Variants in ROBO2 observed in about 807,000 individuals in gnomAD.
ROBO2 encodes roundabout homolog 2.
ROBO2 carries 53 observed loss-of-function variants against 160.8 expected under a neutral mutation model. The observed-to-expected ratio is 0.33, with a 90% CI of 0.26 to 0.41. The LOEUF (loss-of-function observed/expected upper bound fraction) is 0.41. Ranked by LOEUF, ROBO2 falls within the 10% of genes least tolerant of loss-of-function variation. The pLI, the probability that ROBO2 is intolerant of heterozygous loss-of-function variation, is 1.00. For missense variants in ROBO2, 1,577 were observed against 1,722.4 expected (o/e 0.92, Z 1.49); for synonymous variants, 664 against 611.7 (o/e 1.09, Z -1.26).
At chr3:76,398,598 G>C (rs1008472584) in intron 2 of ROBO2, among the ~76,000 whole-genome samples, 2 of 151,548 alleles carry the variant, frequency 1.3e-5, no homozygotes, top group African/African-American at 4.8e-5. Context: ...TTCACACACT[G>C]TTGCACCTCT....
At chr3:76,592,761 G>T (rs1156617695) in intron 2 of ROBO2, among the ~76,000 whole-genome samples, 2 of 152,082 alleles carry the variant, frequency 1.3e-5, no homozygotes, top group Non-Finnish European at 2.9e-5. Context: ...AACCATCAGA[G>T]ATTTATTCTG....
intron 2 of ROBO2, among the ~76,000 whole-genome samples, chr3:76,525,366 C>T (rs979959936): frequency 6.6e-6 from 1 of 151,772 alleles, no homozygotes; most frequent in Non-Finnish European, 1.5e-5. Flanking sequence ...TTATAAAACA[C>T]ATTTTAAAAT....
chr3:77,434,558 T>A (rs1370439252), intron 2 of ROBO2, among the ~76,000 whole-genome samples: 3 of 152,114 alleles, frequency 2.0e-5, no homozygotes, highest in Admixed American at 1.3e-4. Context: ...TTTATTGTTG[T>A]CACCATTTAT....
At chr3:77,573,848 C>T (rs538656271) in intron 13 of ROBO2, among the ~76,000 whole-genome samples, 1 of 147,996 alleles carries the variant, frequency 6.8e-6, no homozygotes, top group South Asian at 2.2e-4. Flanking sequence ...TTTGTTTATG[C>T]TTTTTTTTTT....
chr3:77,022,710 G>A (rs1458856968), intron 2 of ROBO2, among the ~76,000 whole-genome samples: 1 of 152,140 alleles, frequency 6.6e-6, no homozygotes, highest in African/African-American at 2.4e-5. Flanking sequence ...TGACACTCAT[G>A]ATGGGTAAGG....
intron 1 of ROBO2, among the ~76,000 whole-genome samples, chr3:77,095,445 AC>A (rs1183322164): frequency 6.0e-5 from 9 of 151,088 alleles, no homozygotes; most frequent in Non-Finnish European, 1.2e-4. Context: ...ATCCAGGCCT[AC>A]TGCCTAATAA....
intron 2 of ROBO2, among the ~76,000 whole-genome samples, chr3:77,309,200 T>G (rs2063342782): frequency 6.6e-6 from 1 of 152,148 alleles, no homozygotes; most frequent in African/African-American, 2.4e-5. Context: ...TCATATATAT[T>G]CTAATAAATG....
intron 2 of ROBO2, among the ~76,000 whole-genome samples, chr3:75,945,439 G>C (rs1257272531): frequency 6.6e-6 from 1 of 152,104 alleles, no homozygotes; most frequent in Non-Finnish European, 1.5e-5. Context: ...TAGGAATTGT[G>C]TAGAGTCTTA....
chr3:76,541,011 A>G (rs986740507), intron 2 of ROBO2, among the ~76,000 whole-genome samples: 1 of 152,072 alleles, frequency 6.6e-6, no homozygotes, highest in Non-Finnish European at 1.5e-5. Flanking sequence ...TGTGGGCCCA[A>G]CTGGTCTCAA....
At chr3:77,201,711 A>C (rs1579928044) in intron 2 of ROBO2, among the ~76,000 whole-genome samples, 2 of 152,284 alleles carry the variant, frequency 1.3e-5, no homozygotes, top group African/African-American at 4.8e-5. Context: ...GAACTTGTGC[A>C]TATTCATTGT....
chr3:77,485,800 C>T (rs1024973721), intron 4 of ROBO2, among the ~76,000 whole-genome samples: 7 of 151,968 alleles, frequency 4.6e-5, no homozygotes, highest in African/African-American at 1.7e-4. Flanking sequence ...TTATTAAGCC[C>T]CAGGTCCATG....
chr3:77,564,041 T>A (rs2093411104), intron 11 of ROBO2, among the ~76,000 whole-genome samples: 1 of 152,168 alleles, frequency 6.6e-6, no homozygotes, highest in South Asian at 2.1e-4. Context: ...ACAGTATAAA[T>A]TTTAATGGAT....
chr3:77,140,676 T>G (rs114125617), intron 2 of ROBO2, among the ~76,000 whole-genome samples: 6,453 of 152,202 alleles, frequency 0.042, 178 homozygotes, highest in Non-Finnish European at 0.065. Flanking sequence ...CCTTCAATAC[T>G]CCCAACACTT....
chr3:76,073,117 C>T (rs184892810), intron 2 of ROBO2, among the ~76,000 whole-genome samples: 3 of 151,990 alleles, frequency 2.0e-5, no homozygotes, highest in Non-Finnish European at 4.4e-5. Context: ...GCTCTTGTAT[C>T]GTGGCTGAAA....
intron 2 of ROBO2, among the ~76,000 whole-genome samples, chr3:77,287,321 G>A (rs1032856108): frequency 6.6e-6 from 1 of 151,584 alleles, no homozygotes; most frequent in African/African-American, 2.4e-5. Flanking sequence ...TTTTAACATC[G>A]TTTATCTTTC....
chr3:76,434,478 C>T, intron 2 of ROBO2: 2 of 1,550,254 alleles, frequency 1.3e-6, no homozygotes, highest in Non-Finnish European at 1.8e-6. Flanking sequence ...AATGATGCTG[C>T]CATGTTTTAT....
intron 2 of ROBO2, among the ~76,000 whole-genome samples, chr3:76,105,891 A>T (rs2069907443): frequency 6.6e-6 from 1 of 152,194 alleles, no homozygotes; most frequent in Non-Finnish European, 1.5e-5. Flanking sequence ...TAATTAACAA[A>T]GATTATCACC....
At chr3:77,309,814 G>T (rs9309766) in intron 2 of ROBO2, among the ~76,000 whole-genome samples, 67,111 of 152,064 alleles carry the variant, frequency 0.44, 18,060 homozygotes, top group Non-Finnish European at 0.61. Flanking sequence ...CTGTGATACT[G>T]TTGAAGGGTC....
intron 2 of ROBO2, among the ~76,000 whole-genome samples, chr3:76,163,755 T>TC (rs2072728622): frequency 6.6e-6 from 1 of 151,934 alleles, no homozygotes; most frequent in Non-Finnish European, 1.5e-5. Context: ...TAATTAGTTT[T>TC]TTTTTTGAAA....
Sources: allele counts gnomAD v4.1 joint callset (sites outside exome capture counted in the v4.1 genomes callset), GRCh38; gene constraint gnomAD v4.1.1; transcripts MANE v1.5; gene names NCBI Gene and HGNC (gene_info 2026-07-23, HGNC 2026-07-21).